The following FANCL variants were observed in gnomAD, a reference collection of about 807,000 sequenced individuals.
FANCL encodes the protein E3 ubiquitin-protein ligase FANCL.
A neutral mutation model predicts 59.4 loss-of-function variants in FANCL; 69 were observed. The ratio of observed to expected loss-of-function variants is 1.16; its 90% CI spans 0.96 to 1.42. The LOEUF (loss-of-function observed/expected upper bound fraction) is 1.42. FANCL is among the 40% of genes most tolerant of loss of function. The probability of loss-of-function intolerance (pLI) is 0.00; values close to 1 mark genes in which losing one functional copy is unlikely to be tolerated. For missense variants in FANCL, 519 were observed against 447.2 expected, an observed-to-expected ratio of 1.16 and a Z score of -1.45; for synonymous variants, 180 against 147.1, an observed-to-expected ratio of 1.22 and a Z score of -1.62.
chr2:58,165,178 A>C (rs1685766188), intron 8 of FANCL, among the ~76,000 whole-genome samples: 1 of 152,188 alleles, frequency 6.6e-6, no homozygotes, highest in Non-Finnish European at 1.5e-5. Context: ...AACATTGCAC[A>C]GGTATTTATG....
chr2:58,190,195 T>C (rs1168553469), intron 7 of FANCL, among the ~76,000 whole-genome samples: 9 of 151,976 alleles, frequency 5.9e-5, no homozygotes, highest in Admixed American at 1.3e-4. Flanking sequence ...AAAGAACATA[T>C]CACCTCTTCT....
chr2:58,210,699 G>A (rs1691055196), intron 5 of FANCL, among the ~76,000 whole-genome samples: 2 of 152,160 alleles, frequency 1.3e-5, no homozygotes, highest in Middle Eastern at 3.4e-3. Flanking sequence ...ATACAACAGG[G>A]GTATAGGCAT....
In FANCL at chr2:58,226,731, A is replaced by G; in HGVS notation, c.270T>C (p.Leu90=). 1 of 1,613,310 alleles carries G rather than the reference A, an allele frequency of 6.2e-7. No individual in the cohort carries two copies. ...CAGAAAAAAAAAAAATTCTTACCAA[A>G]AGCATCTTCAACTCCATCATAAAGC... The part of the protein sequence containing the change: ...LMSFMMELKM[L]LEVALKNRQE... The change falls in exon 4 of 14, where the codon CTT becomes CTC. Residue 90 remains leucine (L), a synonymous_variant. Coordinates refer to ENST00000233741, the MANE Select transcript of FANCL (RefSeq NM_018062.4).
In FANCL at chr2:58,198,610, G is replaced by A. The variant is rs199966372; in HGVS notation, c.524C>T (p.Ala175Val). The change falls in exon 7 of 14, where the codon GCC becomes GTC. Residue 175 changes from alanine to valine, a missense_variant. Physicochemically the swap from Ala to Val is moderately conservative, Grantham distance 64. Transcript: ENST00000233741. ...AGAATTTACCTGAGGTGTCCAGGAG[G>A]CACAAAATGGAACAGGAAAATCCAC... ...YFVDFPVPFC[A>V]SWTPQSSLIS... 37 of 1,613,586 alleles carry A rather than the reference G, an allele frequency of 2.3e-5. No individual in the cohort carries two copies. Among genetic ancestry groups the A allele is most frequent in the Admixed American group, 1.3e-4 (8 of 60,002 alleles).
chr2:58,165,852 CTA>C lies in FANCL; in HGVS notation c.561_562del (p.Tyr187Ter). 1 of 1,613,952 alleles carries C rather than the reference CTA, an allele frequency of 6.2e-7. No individual in the cohort carries two copies. Among genetic ancestry groups the C allele is most frequent in the Non-Finnish European group, 8.5e-7 (1 of 1,179,952 alleles). On this transcript the variant is annotated stop_gained and frameshift_variant, in exon 8 of 14. Coordinates refer to ENST00000233741, the MANE Select transcript of FANCL (RefSeq NM_018062.4). LOFTEE classifies it high-confidence loss of function. ...TGATTCTATTGCTGCCAAAAACTGA[CTA>C]TAAATGCTTATTAAGGAGCTCTGTG... is the stretch of plus-strand genomic sequence containing the variant.
intron 5 of FANCL, among the ~76,000 whole-genome samples, chr2:58,211,646 T>C (rs1165758857): frequency 6.6e-6 from 1 of 151,858 alleles, no homozygotes; most frequent in Non-Finnish European, 1.5e-5. Flanking sequence ...TAAAACTAAA[T>C]GCTTTTAATA....
At chr2:58,167,187 G>A (rs974138569) in intron 7 of FANCL, among the ~76,000 whole-genome samples, 5 of 152,126 alleles carry the variant, frequency 3.3e-5, no homozygotes, top group African/African-American at 1.2e-4. Context: ...ACTCCAGCCT[G>A]GTGACAGAGC....
At chr2:58,199,055 G>T (rs1214855555) in intron 6 of FANCL, among the ~76,000 whole-genome samples, 1 of 150,398 alleles carries the variant, frequency 6.6e-6, no homozygotes, top group East Asian at 1.9e-4. Context: ...AGAAAAACGA[G>T]ATATATTGGG....
chr2:58,192,656 GAGTGAGGGTAGGTGGAGAAAACAAC>G (rs1357055897), intron 7 of FANCL, among the ~76,000 whole-genome samples: 1 of 151,892 alleles, frequency 6.6e-6, no homozygotes, highest in Non-Finnish European at 1.5e-5. Flanking sequence ...AGATAGGATG[GAGTGAGGGTAGGTGGAGAAAACAAC>G]AAACTCCTCA....
At position 58,191,869 on chromosome 2, in the gene FANCL, T is replaced by C. The variant is rs570347268; in HGVS notation, c.540+6725A>G. On this transcript the variant is annotated intron_variant, in intron 7 of 13. Coordinates refer to ENST00000233741, the MANE Select transcript of FANCL (RefSeq NM_018062.4). The stretch of plus-strand genomic sequence containing the variant: ...TTTACAATTCAAAAGGATTTTCATA[T>C]ACAACACCCCAATTTGTTCTCATAT... Among the ~76,000 whole-genome samples, 7 of 152,056 alleles carry C rather than the reference T, an allele frequency of 4.6e-5. No individual in the cohort carries two copies. In the South Asian group the frequency reaches 1.0e-3, roughly 22 times the overall value.
intron 3 of FANCL, among the ~76,000 whole-genome samples, chr2:58,227,274 T>C (rs1453975729): frequency 6.6e-6 from 1 of 152,212 alleles, no homozygotes; most frequent in African/African-American, 2.4e-5. Flanking sequence ...TAGCCATCCA[T>C]AGGCAGCTTG....
At chr2:58,160,450 C>T (rs1327105636) in intron 12 of FANCL, among the ~76,000 whole-genome samples, 2 of 151,950 alleles carry the variant, frequency 1.3e-5, no homozygotes, top group African/African-American at 4.8e-5. Context: ...ATAAGAATTA[C>T]GCATTTTCTT....
At chr2:58,187,734 G>C (rs866259889) in intron 7 of FANCL, among the ~76,000 whole-genome samples, 1 of 152,002 alleles carries the variant, frequency 6.6e-6, no homozygotes, top group African/African-American at 2.4e-5. Flanking sequence ...AGCTTTAATG[G>C]TAGTAAAAGT....
intron 7 of FANCL, among the ~76,000 whole-genome samples, chr2:58,177,008 C>T (rs1687396685): frequency 6.6e-6 from 1 of 152,148 alleles, no homozygotes; most frequent in Non-Finnish European, 1.5e-5. Context: ...GACATTTATG[C>T]AGCCAAGAAA....
intron 7 of FANCL, among the ~76,000 whole-genome samples, chr2:58,190,689 AG>A (rs1688844364): frequency 6.6e-6 from 1 of 151,942 alleles, no homozygotes; most frequent in African/African-American, 2.4e-5. Flanking sequence ...ACTAATAGAA[AG>A]AATACCAATT....
chr2:58,238,858 G>A (rs2104023755), intron 1 of FANCL, among the ~76,000 whole-genome samples: 1 of 152,188 alleles, frequency 6.6e-6, no homozygotes, highest in East Asian at 1.9e-4. Flanking sequence ...AGCATCTATA[G>A]GATACTTTTA....
intron 7 of FANCL, among the ~76,000 whole-genome samples, chr2:58,183,801 T>G (rs910777395): frequency 5.3e-5 from 8 of 151,974 alleles, no homozygotes; most frequent in African/African-American, 1.7e-4. Context: ...TAAAGTTGAT[T>G]CAATGAAATT....
chr2:58,235,010 T>C (rs1434007042), intron 1 of FANCL, among the ~76,000 whole-genome samples: 2 of 152,008 alleles, frequency 1.3e-5, no homozygotes, highest in African/African-American at 2.4e-5. Flanking sequence ...TAAAATTGTC[T>C]GGTTCTATGA....
chr2:58,163,272 G>T (rs1207823400), intron 9 of FANCL, 162 bp downstream of exon 9: 5 of 727,926 alleles, frequency 6.9e-6, no homozygotes, highest in Non-Finnish European at 1.2e-5. Context: ...GGTGAACCGA[G>T]ATCGCGCCAT....
Sources: allele counts gnomAD v4.1 joint callset (sites outside exome capture counted in the v4.1 genomes callset), GRCh38; gene constraint gnomAD v4.1.1; transcripts MANE v1.5; gene names NCBI Gene and HGNC (gene_info 2026-07-23, HGNC 2026-07-21).